The following ANO9 variants were observed in gnomAD, a reference collection of about 807,000 sequenced individuals.
ANO9 encodes the protein anoctamin-9.
In ANO9, 80 loss-of-function variants were observed where a neutral mutation model predicts 100.5. The observed-to-expected ratio is 0.80, with a 90% CI of 0.66 to 0.96. The LOEUF (loss-of-function observed/expected upper bound fraction) is 0.96, where lower values mean the gene tolerates loss of function less well. Among genes scored for constraint, ANO9 ranks in the 40% least tolerant of loss-of-function variants. The probability of loss-of-function intolerance (pLI) is 0.00; values close to 1 mark genes in which losing one functional copy is unlikely to be tolerated. For missense variants in ANO9, 1,064 were observed against 1,072.7 expected, an observed-to-expected ratio of 0.99 and a Z score of 0.11; for synonymous variants, 473 against 435.6, an observed-to-expected ratio of 1.09 and a Z score of -1.07.
At chr11:420,095 A>G in intron 19 of ANO9, 1 of 1,308,624 alleles carries the variant, frequency 7.6e-7, no homozygotes, top group Non-Finnish European at 9.8e-7. Flanking sequence ...CCCCACATCC[A>G]GCGCCCCAGC....
At chr11:439,522 G>A (rs1845682546) in intron 1 of ANO9, among the ~76,000 whole-genome samples, 1 of 83,594 alleles carries the variant, frequency 1.2e-5, no homozygotes, top group African/African-American at 6.4e-5. Context: ...ATGAGAAGGA[G>A]CAGGCCTGGC....
chr11:420,912 G>A (rs1453310282), intron 17 of ANO9, 33 bp downstream of exon 17: 2 of 1,597,298 alleles, frequency 1.3e-6, no homozygotes, highest in South Asian at 1.1e-5. Context: ...AGGGGCCTGG[G>A]GCTCCCGGGG....
chr11:437,058 C>CGGGGGGTGCGCGGGGGGTGCGCGGGGGG, intron 1 of ANO9, among the ~76,000 whole-genome samples: 1 of 141,540 alleles, frequency 7.1e-6, no homozygotes, highest in East Asian at 2.1e-4. Flanking sequence ...GGGGGGTGAG[C>CGGGGGGTGCGCGGGGGGTGCGCGGGGGG]TGGGGGTGAA....
Position 434,165 on chromosome 11 carries a change from G to A in ANO9, c.7-67C>T, listed in dbSNP as rs969104096. 89 of 1,520,886 alleles carry A rather than the reference G, an allele frequency of 5.9e-5. 1 individual carries two copies. The highest frequency in any genetic ancestry group is 9.7e-5 in the South Asian group (8 of 82,754). The allele number at this position is 1,520,886 out of a possible 1,614,324, so 94.2% of individuals were successfully genotyped here. A position where few individuals can be genotyped will look rare whatever the true frequency, so the allele number is the denominator to read the frequency against. The stretch of plus-strand genomic sequence containing the variant: ...TGGGGGCTAGATGCCCCTCATTGGC[G>A]GGTCCCTGCAGCGGACCACATGGTC... On this transcript the variant is annotated intron_variant, in intron 1 of 22. Transcript: ENST00000332826.
In ANO9 at chr11:420,569, C is replaced by T. The variant is rs748575509; in HGVS notation, c.1680G>A (p.Leu560=). ...FTTIFVAAFP[L]APLLALFSNL... ...TGCTGAAGAGCGCGAGCAGCGGCGCCAGCGGGAAGGCGGCCACGAAGATGG... is the reference window on the plus strand; with the variant it reads ...TGCTGAAGAGCGCGAGCAGCGGCGCTAGCGGGAAGGCGGCCACGAAGATGG... The change falls in exon 19 of 23, where the codon CTG becomes CTA. Residue 560 remains leucine, a synonymous_variant. Transcript: ENST00000332826. The T allele has an allele frequency of 6.2e-7, 1 of 1,605,492 alleles. No individual in the cohort carries two copies. Among genetic ancestry groups the T allele is most frequent in the Non-Finnish European group, 8.5e-7 (1 of 1,179,558 alleles).
chr11:419,699 C>A lies in ANO9; in HGVS notation c.1817G>T (p.Gly606Val), dbSNP rs1564902762. The change falls in exon 20 of 23, where the codon GGT (glycine) becomes GTT (valine). Residue 606 changes from glycine (G) to valine (V), a missense_variant. Coordinates refer to ENST00000332826, the MANE Select transcript of ANO9 (RefSeq NM_001012302.3). ...GTWLQVLETIGVLAVIANGMV... is the reference protein window; with the variant it reads ...GTWLQVLETIVVLAVIANGMV... ...CCCATTGGCAATGACCGCCAGCACA[C>A]CGATGGTCTCCAGCACCTGCAGCCA... The A allele has an allele frequency of 1.9e-6, 3 of 1,613,378 alleles. No individual in the cohort carries two copies. The highest frequency in any genetic ancestry group is 1.7e-6 in the Non-Finnish European group (2 of 1,179,874).
chr11:430,358 G>A lies in ANO9; in HGVS notation c.585C>T (p.Gly195=), dbSNP rs540965153. 1.6e-5 allele frequency: 26 copies of A among 1,607,612 alleles called. No individual in the cohort carries two copies. In the South Asian group the frequency reaches 2.9e-4, roughly 18 times the overall value. The change falls in exon 8 of 23, where the codon GGC becomes GGT. Residue 195 remains glycine, a synonymous_variant. Transcript: ENST00000332826. The part of the protein sequence containing the change: ...EKVALYFVWL[G]WYTYMLVPAA... ...CCGGCACCAGCATGTAGGTGTACCA[G>A]CCCAGCCAGACGAAGTACAGGGCCA...
At chr11:438,545 G>A (rs1264263955) in intron 1 of ANO9, among the ~76,000 whole-genome samples, 2 of 151,358 alleles carry the variant, frequency 1.3e-5, no homozygotes, top group East Asian at 1.9e-4. Flanking sequence ...CAGAACACTG[G>A]GCCCACCAGC....
At chr11:434,194 C>T in intron 1 of ANO9, 96 bp from the exon 2 acceptor site, 3 of 1,367,698 alleles carry the variant, frequency 2.2e-6, no homozygotes, top group Non-Finnish European at 3.0e-6. Context: ...CATGGTCACA[C>T]ACCGTCCCTC....
chr11:429,626 G>A lies in ANO9; in HGVS notation c.859C>T (p.Arg287Trp), dbSNP rs375820320. ...WATVFLEIWKRQRARVVLHWD... is the reference protein window; with the variant it reads ...WATVFLEIWKWQRARVVLHWD... ...TGCAGGACCACGCGGGCGCGCTGCCGCTTCCAGATCTCCAGGAACACCGTG... is the reference window on the plus strand; with the variant it reads ...TGCAGGACCACGCGGGCGCGCTGCCACTTCCAGATCTCCAGGAACACCGTG... Residue 287 changes from arginine to tryptophan, a missense_variant, in exon 11 of 23, where the codon CGG (arginine) becomes TGG (tryptophan). Coordinates refer to ENST00000332826, the MANE Select transcript of ANO9 (RefSeq NM_001012302.3). The A allele has an allele frequency of 4.3e-6, 7 of 1,612,484 alleles. No individual in the cohort carries two copies. The highest frequency in any genetic ancestry group is 3.3e-5 in the South Asian group (3 of 91,088).
intron 1 of ANO9, 68 bp downstream of exon 1, chr11:441,853 C>CG: frequency 1.9e-6 from 3 of 1,567,374 alleles, no homozygotes; most frequent in South Asian, 2.3e-5. Context: ...GGGCTGGGGC[C>CG]GGGGGCCCCA....
At position 420,563 on chromosome 11, in the gene ANO9, C is replaced by T. The variant is rs749335659; in HGVS notation, c.1686G>A (p.Pro562=). The T allele has an allele frequency of 1.2e-6, 2 of 1,605,186 alleles. No homozygotes were observed. The change falls in exon 19 of 23, where the codon CCG becomes CCA. Residue 562 remains proline, a synonymous_variant. Coordinates refer to ENST00000332826, the MANE Select transcript of ANO9 (RefSeq NM_001012302.3). ...CGAGGTTGCTGAAGAGCGCGAGCAG[C>T]GGCGCCAGCGGGAAGGCGGCCACGA... ...TIFVAAFPLA[P]LLALFSNLVE... is the part of the protein sequence containing the mutation.
rs1233056060 is a variant in ANO9, at chr11:420,798, G to C, written c.1553C>G (p.Pro518Arg). The C allele has an allele frequency of 1.9e-6, 3 of 1,597,118 alleles. No homozygotes were observed. Among genetic ancestry groups the C allele is most frequent in the East Asian group, 2.3e-5 (1 of 44,426 alleles). The stretch of plus-strand genomic sequence containing the variant: ...GTTGCGCCGCCAGTCCCTGAGCTCG[G>C]GGTCCCGGGGCAGGTGCCCGGACTC... ...ASESGHLPRDPELRDWRRNYL... is the reference protein window; with the variant it reads ...ASESGHLPRDRELRDWRRNYL... The change falls in exon 18 of 23, where the codon CCC becomes CGC. Residue 518 changes from proline (P) to arginine (R), a missense_variant. By Grantham distance (103) the Pro-to-Arg change is moderately radical. Transcript: ENST00000332826.
intron 1 of ANO9, among the ~76,000 whole-genome samples, chr11:440,198 G>A (rs985799445): frequency 2.6e-5 from 4 of 152,140 alleles, no homozygotes; most frequent in Non-Finnish European, 5.9e-5. Flanking sequence ...CTCAGCACTC[G>A]GCACCTACGG....
chr11:420,574 G>A lies in ANO9; in HGVS notation c.1675C>T (p.Pro559Ser). The stretch of plus-strand genomic sequence containing the variant: ...AAGAGCGCGAGCAGCGGCGCCAGCG[G>A]GAAGGCGGCCACGAAGATGGTGGTG... Reference protein sequence around the residue: ...GFTTIFVAAFPLAPLLALFSN... With the variant: ...GFTTIFVAAFSLAPLLALFSN... Residue 559 changes from proline (P) to serine (S), a missense_variant, in exon 19 of 23, where the codon CCG becomes TCG. Transcript: ENST00000332826. 6.2e-7 allele frequency: 1 copy of A among 1,605,380 alleles called. No homozygotes were observed. Among genetic ancestry groups the A allele is most frequent in the Non-Finnish European group, 8.5e-7 (1 of 1,179,560 alleles).
chr11:423,997 C>T (rs1848350648), intron 15 of ANO9, among the ~76,000 whole-genome samples: 1 of 152,052 alleles, frequency 6.6e-6, no homozygotes, highest in Admixed American at 6.6e-5. Context: ...CAACCTCTGC[C>T]TCCTGGGTTC....
intron 1 of ANO9, chr11:440,485 G>A (rs1334393978): frequency 6.6e-6 from 1 of 152,402 alleles, no homozygotes. Context: ...ATCACCACAG[G>A]AGTTTTGACC....
intron 11 of ANO9, among the ~76,000 whole-genome samples, chr11:429,108 C>A (rs1848715229): frequency 7.5e-6 from 1 of 133,262 alleles, no homozygotes; most frequent in African/African-American, 3.0e-5. Context: ...CGTGGGGAGA[C>A]AGACACAGGG....
intron 1 of ANO9, among the ~76,000 whole-genome samples, chr11:435,261 A>ATAGTCTAGTCTAGTC (rs59912016): frequency 6.7e-6 from 1 of 150,232 alleles, no homozygotes; most frequent in African/African-American, 2.5e-5. Context: ...CTAGTATGGT[A>ATAGTCTAGTCTAGTC]TAGTCTAGTC....
Sources: allele counts gnomAD v4.1 joint callset (sites outside exome capture counted in the v4.1 genomes callset), GRCh38; gene constraint gnomAD v4.1.1; transcripts MANE v1.5; gene names NCBI Gene and HGNC (gene_info 2026-07-23, HGNC 2026-07-21).